SLC15A3: variants seen among roughly 807,000 people sequenced by gnomAD.
SLC15A3 encodes the protein solute carrier family 15 member 3.
Under a neutral mutation model 49.2 loss-of-function variants are expected in SLC15A3, and 39 were observed. That is an observed-to-expected ratio of 0.79 (90% CI 0.61 to 1.04). The LOEUF is 1.04. Among genes scored for constraint, SLC15A3 ranks in the 50% least tolerant of loss-of-function variants. SLC15A3 has a pLI of 0.00. For synonymous variants in SLC15A3, 339 were observed against 367.0 expected (o/e 0.92, Z 0.87); for missense variants, 758 against 794.8 (o/e 0.95, Z 0.56).
At chr11:60,946,863 C>A in intron 1 of SLC15A3, 42 bp from the exon 2 acceptor site, 1 of 1,574,644 alleles carries the variant, frequency 6.4e-7, no homozygotes. Context: ...CAAAGGGGTC[C>A]GGGGCACTCT....
chr11:60,951,346 C>A lies in SLC15A3; in HGVS notation c.206G>T (p.Gly69Val). 2 of 1,546,338 alleles carry A rather than the reference C, an allele frequency of 1.3e-6. No individual in the cohort carries two copies. The highest frequency in any genetic ancestry group is 1.4e-5 in the African/African-American group (1 of 70,200). The change falls in exon 1 of 8, where the codon GGC (glycine) becomes GTC (valine). Residue 69 changes from glycine (G) to valine (V), a missense_variant. By Grantham distance (109) the Gly-to-Val change is moderately radical. This residue lies in a region of SLC15A3 where 699 missense variants were observed against 706.7 expected (regional missense o/e 0.99). Transcript: ENST00000227880. ...YLNSTNFNWT[G>V]EQATRAALVF... ...CAGCGCGGCGCGCGTCGCCTGCTCG[C>A]CGGTCCAGTTGAAGTTGGTGCTGTT...
In SLC15A3 at chr11:60,949,503, G is replaced by GGAAAGAAAGAAAGAAA. The variant is rs1205207226; in HGVS notation, c.558+1475_558+1490dup. On this transcript the variant is annotated intron_variant, in intron 1 of 7. Transcript: ENST00000227880. The stretch of plus-strand genomic sequence containing the variant: ...AAGAAAGGAAGAAAGAAAGAAAGAA[G>GGAAAGAAAGAAAGAAA]GAAAGAAAGAAAGAAAGAAAGAAAG... Among the ~76,000 whole-genome samples the GGAAAGAAAGAAAGAAA allele has an allele frequency of 2.0e-3, 128 of 64,760 alleles. 2 individuals are homozygous for GGAAAGAAAGAAAGAAA. The highest frequency in any genetic ancestry group is 2.5e-3 in the African/African-American group (46 of 18,764). 42.5% of individuals were successfully genotyped at this position (64,760 alleles called of 152,430 possible). A position where few individuals can be genotyped will look rare whatever the true frequency, so the allele number is the denominator to read the frequency against.
At chr11:60,938,987 C>T (rs1302285001) in intron 6 of SLC15A3, among the ~76,000 whole-genome samples, 1 of 152,160 alleles carries the variant, frequency 6.6e-6, no homozygotes, top group African/African-American at 2.4e-5. Flanking sequence ...GCTCTAGCTC[C>T]CAGCCCGGGG....
intron 6 of SLC15A3, 43 bp from the exon 7 acceptor site, chr11:60,938,068 C>T (rs369468328): frequency 1.0e-4 from 164 of 1,600,564 alleles, no homozygotes; most frequent in South Asian, 3.8e-4. Flanking sequence ...CTGGTGCAGG[C>T]GCAGAGAACA....
At chr11:60,939,871 C>T (rs1440740167) in intron 5 of SLC15A3, 1 of 537,806 alleles carries the variant, frequency 1.9e-6, no homozygotes, top group East Asian at 3.1e-5. Context: ...CTCAATAACA[C>T]TAACAACTCT....
intron 6 of SLC15A3, 24 bp from the exon 7 acceptor site, chr11:60,938,049 T>C: frequency 6.2e-7 from 1 of 1,610,970 alleles, no homozygotes; most frequent in East Asian, 2.2e-5. Context: ...GCAGAGACGA[T>C]CTCAGGGGCT....
In SLC15A3 at chr11:60,951,344, C is replaced by G. The variant is rs1856918094; in HGVS notation, c.208G>C (p.Glu70Gln). The G allele has an allele frequency of 3.9e-6, 6 of 1,544,780 alleles. No homozygotes were observed. Among genetic ancestry groups the G allele is most frequent in the Non-Finnish European group, 5.2e-6 (6 of 1,148,956 alleles). Residue 70 changes from glutamate to glutamine, a missense_variant, in exon 1 of 8, where the codon GAG becomes CAG. By Grantham distance (29) the Glu-to-Gln change is conservative. Transcript: ENST00000227880. ...ACCAGCGCGGCGCGCGTCGCCTGCTCGCCGGTCCAGTTGAAGTTGGTGCTG... is the reference window on the plus strand; with the variant it reads ...ACCAGCGCGGCGCGCGTCGCCTGCTGGCCGGTCCAGTTGAAGTTGGTGCTG... Reference protein sequence around the residue: ...LNSTNFNWTGEQATRAALVFL... With the variant: ...LNSTNFNWTGQQATRAALVFL...
Position 60,938,111 on chromosome 11 carries a change from GC to G in SLC15A3, c.1436-87del. On this transcript the variant is annotated intron_variant, in intron 6 of 7. Coordinates refer to ENST00000227880, the MANE Select transcript of SLC15A3 (RefSeq NM_016582.3). ...GCCCCTGCTTGCTGCCCCTGACCCT[GC>G]CCCCACCAAGCCACCCTCCAGGCTT... The G allele has an allele frequency of 2.0e-6, 3 of 1,468,476 alleles. No homozygotes were observed. In the South Asian group the frequency reaches 4.1e-5, roughly 20 times the overall value. 91.0% of individuals were successfully genotyped at this position (1,468,476 alleles called of 1,614,324 possible).
chr11:60,940,915 G>A (rs893475402), intron 5 of SLC15A3: 48 of 458,382 alleles, frequency 1.0e-4, no homozygotes, highest in South Asian at 2.1e-4. Context: ...TTCCTCTCTC[G>A]GCCTGAGTTT....
Position 60,951,359 on chromosome 11 carries a change from A to G in SLC15A3, c.193T>C (p.Phe65Leu). The G allele has an allele frequency of 6.4e-7, 1 of 1,551,732 alleles. No homozygotes were observed. The highest frequency in any genetic ancestry group is 8.7e-7 in the Non-Finnish European group (1 of 1,152,894). ...GTCGCCTGCTCGCCGGTCCAGTTGA[A>G]GTTGGTGCTGTTGAGGTACAGCACG... ...NLVLYLNSTN[F>L]NWTGEQATRA... The change falls in exon 1 of 8, where the codon TTC becomes CTC. Residue 65 changes from phenylalanine to leucine, a missense_variant. Coordinates refer to ENST00000227880, the MANE Select transcript of SLC15A3 (RefSeq NM_016582.3).
In SLC15A3 at chr11:60,943,730, C is replaced by T. The variant is rs138688557; in HGVS notation, c.955G>A (p.Val319Ile). The T allele has an allele frequency of 1.1e-4, 175 of 1,601,886 alleles. 1 individual carries two copies. The highest frequency in any genetic ancestry group is 5.5e-4 in the African/African-American group (41 of 74,506). ...CAGTAGGGCACCAGGGTCACCATGA[C>T]GGGCAAGATCTTCACCAGCACCTGG... is the stretch of plus-strand genomic sequence containing the variant. The part of the protein sequence containing the change: ...NFQVLVKILP[V>I]MVTLVPYWMV... Residue 319 changes from valine (V) to isoleucine (I), a missense_variant, in exon 3 of 8, where the codon GTC (valine) becomes ATC (isoleucine). Physicochemically the swap from Val to Ile is conservative, Grantham distance 29 (BLOSUM62 3). Around this residue, in one of 3 missense-constraint regions of SLC15A3, gnomAD observed 699 missense variants for 706.7 expected, o/e 0.99. Transcript: ENST00000227880.
At chr11:60,938,588 C>T (rs1270811920) in intron 6 of SLC15A3, among the ~76,000 whole-genome samples, 1 of 152,110 alleles carries the variant, frequency 6.6e-6, no homozygotes, top group East Asian at 1.9e-4. Flanking sequence ...AGGAGGGGCG[C>T]TGTTGCCTTC....
rs754005291 is a variant in SLC15A3, at chr11:60,943,739, T to G, written c.946A>C (p.Ile316Leu). The change falls in exon 3 of 8, where the codon ATC (isoleucine) becomes CTC (leucine). Residue 316 changes from isoleucine (I) to leucine (L), a missense_variant. By Grantham distance (5) the Ile-to-Leu change is conservative. Around this residue, in one of 3 missense-constraint regions of SLC15A3, gnomAD observed 699 missense variants for 706.7 expected, o/e 0.99. Coordinates refer to ENST00000227880, the MANE Select transcript of SLC15A3 (RefSeq NM_016582.3). ...ACCAGGGTCACCATGACGGGCAAGA[T>G]CTTCACCAGCACCTGGAAGTTGGCG... is the stretch of plus-strand genomic sequence containing the variant. ...DIANFQVLVKILPVMVTLVPY... is the reference protein window; with the variant it reads ...DIANFQVLVKLLPVMVTLVPY... 6.2e-7 allele frequency: 1 copy of G among 1,605,314 alleles called. No individual in the cohort carries two copies. The highest frequency in any genetic ancestry group is 8.5e-7 in the Non-Finnish European group (1 of 1,175,458).
At chr11:60,941,757 A>AAAAGGGACCTAAGTT (rs1856711693) in intron 4 of SLC15A3, 4 of 428,228 alleles carry the variant, frequency 9.3e-6, no homozygotes, top group Non-Finnish European at 1.7e-5. Flanking sequence ...GGACCTAAGT[A>AAAAGGGACCTAAGTT]TGCTTGATCT....
At chr11:60,941,939 G>A in intron 4 of SLC15A3, 96 bp downstream of exon 4, 1 of 1,224,580 alleles carries the variant, frequency 8.2e-7, no homozygotes, top group South Asian at 1.3e-5. Context: ...TTGCAGGCAG[G>A]AAAGGGGAGT....
Position 60,937,335 on chromosome 11 carries a change from GGAA to G in SLC15A3, c.1627_1629del (p.Phe543del), listed in dbSNP as rs769831359. On this transcript the variant is annotated inframe_deletion, in exon 8 of 8. Coordinates refer to ENST00000227880, the MANE Select transcript of SLC15A3 (RefSeq NM_016582.3). ...GTGACGGCCTGAATGCCAGCCAGCAGGAAGAAGTAGAGGTCCATCCGGCAATTG... is the reference window on the plus strand; with the variant it reads ...GTGACGGCCTGAATGCCAGCCAGCAGGAAGTAGAGGTCCATCCGGCAATTG... 3.1e-6 allele frequency: 5 copies of G among 1,614,158 alleles called. No individual in the cohort carries two copies. In the African/African-American group the frequency reaches 4.0e-5, roughly 13 times the overall value.
intron 4 of SLC15A3, 134 bp downstream of exon 4, chr11:60,941,901 G>A (rs1856714375): frequency 1.2e-6 from 1 of 838,212 alleles, no homozygotes; most frequent in Admixed American, 2.1e-5. Flanking sequence ...CCACCCTCCA[G>A]GTGCTTTTCC....
rs1285507025 is a variant in SLC15A3, at chr11:60,951,115, G to A, written c.437C>T (p.Ala146Val). Residue 146 changes from alanine (A) to valine (V), a missense_variant, in exon 1 of 8, where the codon GCC becomes GTC. Transcript: ENST00000227880. The part of the protein sequence containing the change: ...ASPLGPACPS[A>V]GCPRSSPSPY... ...GCTGGGCGAGGAGCGCGGGCAGCCG[G>A]CCGAGGGGCAGGCAGGTCCCAGCGG... 1 of 1,479,506 alleles carries A rather than the reference G, an allele frequency of 6.8e-7. No individual in the cohort carries two copies. The highest frequency in any genetic ancestry group is 8.9e-7 in the Non-Finnish European group (1 of 1,124,756). The allele number at this position is 1,479,506 out of a possible 1,614,324, so 91.6% of individuals were successfully genotyped here.
At position 60,942,086 on chromosome 11, in the gene SLC15A3, G is replaced by C. The variant is rs1388965503; in HGVS notation, c.1056C>G (p.Ala352=). The C allele has an allele frequency of 6.2e-7, 1 of 1,614,160 alleles. No individual in the cohort carries two copies. Among genetic ancestry groups the C allele is most frequent in the Non-Finnish European group, 8.5e-7 (1 of 1,180,004 alleles). Reference sequence around the variant, plus strand: ...GGGCCACAGAGATGTTGGCCGGGTTGGCTGGGAAAATGTTTGGGATGTGGA... The same window carrying C: ...GGGCCACAGAGATGTTGGCCGGGTTCGCTGGGAAAATGTTTGGGATGTGGA... ...LHLHIPNIFP[A]NPANISVALR... Residue 352 remains alanine (A), a synonymous_variant, in exon 4 of 8, where the codon GCC becomes GCG. Coordinates refer to ENST00000227880, the MANE Select transcript of SLC15A3 (RefSeq NM_016582.3).
Sources: gnomAD v4.1 joint callset for allele counts (sites outside exome capture counted in the v4.1 genomes callset) on GRCh38, gnomAD v4.1.1 for gene constraint, gnomAD v4.1.1 regional missense constraint, MANE v1.5 for transcripts, NCBI Gene and HGNC (gene_info 2026-07-23, HGNC 2026-07-21) for gene names.